DNAJC6: variants seen among roughly 807,000 people sequenced by gnomAD.
DNAJC6 encodes the protein DnaJ heat shock protein family (Hsp40) member C6.
A neutral mutation model predicts 110.0 loss-of-function variants in DNAJC6; 34 were observed. The ratio of observed to expected loss-of-function variants is 0.31; its 90% CI spans 0.24 to 0.41. The LOEUF (loss-of-function observed/expected upper bound fraction) is 0.41, where lower values mean the gene tolerates loss of function less well. Ranked by LOEUF, DNAJC6 falls within the 10% of genes least tolerant of loss-of-function variation. The probability of loss-of-function intolerance (pLI) is 1.00; values close to 1 mark genes in which losing one functional copy is unlikely to be tolerated. For synonymous variants in DNAJC6, 406 were observed against 437.2 expected (o/e 0.93, Z 0.89); for missense variants, 1,031 against 1,207.8 (o/e 0.85, Z 2.17).
intron 4 of DNAJC6, among the ~76,000 whole-genome samples, chr1:65,366,788 A>G (rs2101560838): frequency 6.6e-6 from 1 of 152,268 alleles, no homozygotes; most frequent in Non-Finnish European, 1.5e-5. Context: ...CCTCTCAAGA[A>G]CATCTCTAAA....
intron 1 of DNAJC6, among the ~76,000 whole-genome samples, chr1:65,323,370 G>A (rs1645213627): frequency 6.6e-6 from 1 of 152,108 alleles, no homozygotes; most frequent in African/African-American, 2.4e-5. Context: ...TTTAAAATGT[G>A]GACTTCCTTT....
chr1:65,315,328 T>A lies in DNAJC6; in HGVS notation c.193+5390T>A, dbSNP rs1050170757. On this transcript the variant is annotated intron_variant, in intron 1 of 18. Coordinates refer to ENST00000371069, the MANE Select transcript of DNAJC6 (RefSeq NM_001256864.2). ...TTTGCACAACAGGGGTTTTCACCAA[T>A]TTTTATTATAAAAGGTTAAAAAAGA... Among the ~76,000 whole-genome samples, 4 of 152,030 alleles carry A rather than the reference T, an allele frequency of 2.6e-5. No individual in the cohort carries two copies. The South Asian group carries it at 6.2e-4, about 24-fold the overall frequency.
At chr1:65,374,582 T>C (rs1177204023) in intron 4 of DNAJC6, among the ~76,000 whole-genome samples, 1 of 152,198 alleles carries the variant, frequency 6.6e-6, no homozygotes, top group African/African-American at 2.4e-5. Context: ...TTTCAGATTG[T>C]TGGCTGTTAG....
intron 1 of DNAJC6, among the ~76,000 whole-genome samples, chr1:65,315,850 T>C (rs1339404419): frequency 2.0e-5 from 3 of 152,242 alleles, no homozygotes; most frequent in South Asian, 2.1e-4. Context: ...AAGAATTTAG[T>C]GGTGAATTTT....
intron 1 of DNAJC6, among the ~76,000 whole-genome samples, chr1:65,354,386 T>A (rs990398076): frequency 6.6e-6 from 1 of 152,210 alleles, no homozygotes; most frequent in Non-Finnish European, 1.5e-5. Context: ...CACCTGCCAC[T>A]GTGCTTAGTG....
chr1:65,312,692 T>C (rs1452364188), intron 1 of DNAJC6, among the ~76,000 whole-genome samples: 2 of 152,254 alleles, frequency 1.3e-5, no homozygotes, highest in African/African-American at 4.8e-5. Flanking sequence ...AATTCTCTTA[T>C]TTCATTTCCC....
chr1:65,405,818 G>A (rs1442997360), intron 15 of DNAJC6, 52 bp from the exon 16 acceptor site: 2 of 1,541,644 alleles, frequency 1.3e-6, no homozygotes, highest in Non-Finnish European at 1.7e-6. Context: ...AGACACAAGA[G>A]TTAGAGGCCA....
intron 15 of DNAJC6, among the ~76,000 whole-genome samples, chr1:65,403,267 A>T (rs2101631082): frequency 6.6e-6 from 1 of 152,356 alleles, no homozygotes; most frequent in East Asian, 1.9e-4. Context: ...CTCGTTTTAC[A>T]GATGAGGAAA....
At chr1:65,328,265 A>G (rs1645258401) in intron 1 of DNAJC6, among the ~76,000 whole-genome samples, 1 of 152,238 alleles carries the variant, frequency 6.6e-6, no homozygotes, top group Non-Finnish European at 1.5e-5. Flanking sequence ...TAAAATCTCA[A>G]TGATGAATTT....
rs753885398 is a variant in DNAJC6 at position 65,405,867 on chromosome 1, T to C, written c.2228-3T>C. ...TACCTTCTTTATCTCTTTTTTTCTT[T>C]AGGTAGTTCTTCCTTTGCCAGCAAA... On this transcript the variant is annotated splice_polypyrimidine_tract_variant and splice_region_variant and intron_variant, in intron 15 of 18. Coordinates refer to ENST00000371069, the MANE Select transcript of DNAJC6 (RefSeq NM_001256864.2). 10 of 1,591,494 alleles carry C rather than the reference T, an allele frequency of 6.3e-6. No homozygotes were observed. In the Admixed American group the frequency reaches 1.8e-4, roughly 28 times the overall value.
At chr1:65,338,100 T>A (rs1010394195) in intron 1 of DNAJC6, among the ~76,000 whole-genome samples, 2 of 152,184 alleles carry the variant, frequency 1.3e-5, no homozygotes, top group Non-Finnish European at 2.9e-5. Context: ...TAAAGACCTC[T>A]GGTGTGAGGG....
chr1:65,272,264 A>T (rs1338277783), intron 1 of DNAJC6, among the ~76,000 whole-genome samples: 1 of 152,238 alleles, frequency 6.6e-6, no homozygotes, highest in Non-Finnish European at 1.5e-5. Context: ...TTTATCATGA[A>T]TCAGTTCTGA....
At position 65,379,427 on chromosome 1, in the gene DNAJC6, G is replaced by A; in HGVS notation, c.569G>A (p.Arg190Lys). Reference protein sequence around the residue: ...SRVSECSWPIRQAPSLHNLFA... With the variant: ...SRVSECSWPIKQAPSLHNLFA... ...GTCTCAGAATGCAGTTGGCCCATTAGGCAGGCTCCCAGTCTGCACAACCTT... is the reference window on the plus strand; with the variant it reads ...GTCTCAGAATGCAGTTGGCCCATTAAGCAGGCTCCCAGTCTGCACAACCTT... The change falls in exon 5 of 19, where the codon AGG becomes AAG. Residue 190 changes from arginine (R) to lysine (K), a missense_variant. Transcript: ENST00000371069. 3 of 1,614,084 alleles carry A rather than the reference G, an allele frequency of 1.9e-6. No homozygotes were observed. The highest frequency in any genetic ancestry group is 2.2e-5 in the East Asian group (1 of 44,882).
At chr1:65,396,084 C>A (rs1407800373) in intron 13 of DNAJC6, among the ~76,000 whole-genome samples, 7 of 152,226 alleles carry the variant, frequency 4.6e-5, no homozygotes, top group African/African-American at 1.7e-4. Flanking sequence ...ACTGGTGAAA[C>A]TGAAACTTGA....
chr1:65,302,284 AATATATAAT>A (rs1238494723), intron 1 of DNAJC6, among the ~76,000 whole-genome samples: 2 of 140,142 alleles, frequency 1.4e-5, no homozygotes, highest in East Asian at 2.0e-4. Context: ...TATATAATAT[AATATATAAT>A]ATATATAATA....
intron 1 of DNAJC6, among the ~76,000 whole-genome samples, chr1:65,303,737 T>G (rs1277270691): frequency 1.3e-5 from 2 of 152,008 alleles, no homozygotes; most frequent in African/African-American, 2.4e-5. Context: ...TTTTTGTTTG[T>G]TTGTTTGTTT....
chr1:65,326,811 G>T (rs1336410779), intron 1 of DNAJC6, among the ~76,000 whole-genome samples: 1 of 152,170 alleles, frequency 6.6e-6, no homozygotes, highest in African/African-American at 2.4e-5. Flanking sequence ...AGTTCTCAAC[G>T]ATCATCTGTC....
intron 1 of DNAJC6, among the ~76,000 whole-genome samples, chr1:65,335,455 G>A (rs1645327457): frequency 6.6e-6 from 1 of 151,438 alleles, no homozygotes; most frequent in Non-Finnish European, 1.5e-5. Context: ...AGTAGATAGA[G>A]ACAGAAAAAA....
intron 1 of DNAJC6, among the ~76,000 whole-genome samples, chr1:65,295,900 T>A (rs985841645): frequency 1.3e-5 from 2 of 152,226 alleles, no homozygotes; most frequent in Admixed American, 1.3e-4. Flanking sequence ...AGTAAATCCT[T>A]ATGGAATTGA....
Sources: gnomAD v4.1 joint callset for allele counts (sites outside exome capture counted in the v4.1 genomes callset) on GRCh38, gnomAD v4.1.1 for gene constraint, MANE v1.5 for transcripts, NCBI Gene and HGNC (gene_info 2026-07-23, HGNC 2026-07-21) for gene names.